The following PAK1 variants were observed in gnomAD, a reference collection of about 807,000 sequenced individuals.
PAK1 encodes the protein serine/threonine-protein kinase PAK 1.
Under a neutral mutation model 67.4 loss-of-function variants are expected in PAK1, and 29 were observed. The ratio of observed to expected loss-of-function variants is 0.43; its 90% CI spans 0.32 to 0.59. The LOEUF is 0.59. Among genes scored for constraint, PAK1 ranks in the 20% least tolerant of loss-of-function variants. PAK1 has a pLI of 0.07. For synonymous variants in PAK1, 223 were observed against 237.4 expected, an observed-to-expected ratio of 0.94 and a Z score of 0.56; for missense variants, 337 against 670.7, an observed-to-expected ratio of 0.50 and a Z score of 5.50.
At chr11:77,478,843 G>A (rs1205034023), upstream of PAK1, among the ~76,000 whole-genome samples, 1 of 151,014 alleles carries the variant, frequency 6.6e-6, no homozygotes, top group Non-Finnish European at 1.5e-5. Context: ...TTGGGAGGCC[G>A]AGGTGGGCGG....
At chr11:77,384,290 G>C (rs900501642) in intron 2 of PAK1, among the ~76,000 whole-genome samples, 1 of 152,118 alleles carries the variant, frequency 6.6e-6, no homozygotes, top group Non-Finnish European at 1.5e-5. Context: ...TCGGACTGAG[G>C]GAAGACACAA....
At chr11:77,396,586 T>A (rs190771804) in intron 1 of PAK1, among the ~76,000 whole-genome samples, 1 of 152,332 alleles carries the variant, frequency 6.6e-6, no homozygotes, top group East Asian at 1.9e-4. Context: ...AAAACTTCCA[T>A]CTGTTAGTAC....
At chr11:77,370,849 T>C (rs1045411901) in intron 5 of PAK1, among the ~76,000 whole-genome samples, 1 of 152,224 alleles carries the variant, frequency 6.6e-6, no homozygotes, top group Non-Finnish European at 1.5e-5. Context: ...CATATCCAAC[T>C]ACATCAATCT....
chr11:77,472,401 T>C (rs1957904121), intron 1 of PAK1, among the ~76,000 whole-genome samples: 2 of 152,150 alleles, frequency 1.3e-5, no homozygotes, highest in East Asian at 3.9e-4. Context: ...ACCGGGCCAA[T>C]GGGAAGAAAT....
At chr11:77,324,464 T>C (rs1374860787) in intron 14 of PAK1, among the ~76,000 whole-genome samples, 1 of 152,130 alleles carries the variant, frequency 6.6e-6, no homozygotes, top group Admixed American at 6.5e-5. Context: ...TGAGCCACCG[T>C]GCCTGGTCTA....
chr11:77,461,294 A>G (rs1957331684), intron 1 of PAK1, among the ~76,000 whole-genome samples: 1 of 152,228 alleles, frequency 6.6e-6, no homozygotes, highest in African/African-American at 2.4e-5. Flanking sequence ...TATAGTCCCC[A>G]GTTATTCAAT....
intron 1 of PAK1, among the ~76,000 whole-genome samples, chr11:77,427,373 T>A (rs934628093): frequency 1.3e-5 from 2 of 152,118 alleles, no homozygotes; most frequent in African/African-American, 4.8e-5. Flanking sequence ...AGGATGACAG[T>A]GTAGATTTTT....
chr11:77,498,631 T>G, the PAK1 span, among the ~76,000 whole-genome samples: 1 of 151,640 alleles, frequency 6.6e-6, no homozygotes, highest in South Asian at 2.1e-4. Flanking sequence ...GAATACATGG[T>G]ACATATTTGT....
the PAK1 span, among the ~76,000 whole-genome samples, chr11:77,498,944 C>T: frequency 1.3e-5 from 2 of 151,800 alleles, no homozygotes; most frequent in African/African-American, 4.8e-5. Context: ...TGTGATCCAC[C>T]CGCCTTGGCC....
At chr11:77,416,875 A>C (rs1168329589) in intron 1 of PAK1, among the ~76,000 whole-genome samples, 1 of 151,980 alleles carries the variant, frequency 6.6e-6, no homozygotes, top group East Asian at 1.9e-4. Context: ...ATGGTGTGAA[A>C]CCAGGAGGCG....
At chr11:77,348,598 C>T (rs1944777284) in intron 9 of PAK1, among the ~76,000 whole-genome samples, 1 of 152,206 alleles carries the variant, frequency 6.6e-6, no homozygotes, top group Admixed American at 6.5e-5. Flanking sequence ...ATGTAAGCAA[C>T]TATCCACTTG....
chr11:77,437,360 T>C (rs1956171414), intron 1 of PAK1, among the ~76,000 whole-genome samples: 1 of 152,204 alleles, frequency 6.6e-6, no homozygotes, highest in Admixed American at 6.5e-5. Context: ...TGTGAAACAG[T>C]GATAGTAAGA....
chr11:77,527,622 A>T, the PAK1 span, among the ~76,000 whole-genome samples: 1 of 152,164 alleles, frequency 6.6e-6, no homozygotes, highest in Admixed American at 6.5e-5. Flanking sequence ...CAAAGCCAAG[A>T]TCTTTCCATT....
intron 14 of PAK1, among the ~76,000 whole-genome samples, chr11:77,329,620 G>C (rs1940956628): frequency 6.6e-6 from 1 of 152,020 alleles, no homozygotes; most frequent in South Asian, 2.1e-4. Flanking sequence ...ATTAGGTATT[G>C]ATGGGACATA....
At chr11:77,495,256 T>C in the PAK1 span, among the ~76,000 whole-genome samples, 4 of 150,644 alleles carry the variant, frequency 2.7e-5, no homozygotes, top group South Asian at 8.4e-4. Context: ...GGCAAATCAT[T>C]TGAAGTCAGG....
At chr11:77,447,996 C>G (rs186996388) in intron 1 of PAK1, among the ~76,000 whole-genome samples, 1 of 152,208 alleles carries the variant, frequency 6.6e-6, no homozygotes, top group Non-Finnish European at 1.5e-5. Flanking sequence ...GCATTAAACA[C>G]ATCTACATAC....
the PAK1 span, among the ~76,000 whole-genome samples, chr11:77,514,607 C>A: frequency 7.3e-4 from 111 of 152,144 alleles, no homozygotes; most frequent in Non-Finnish European, 1.2e-3. Flanking sequence ...CTAAAAACAT[C>A]TAGAAAAGTT....
At chr11:77,488,849 A>G in the PAK1 span, among the ~76,000 whole-genome samples, 1 of 152,216 alleles carries the variant, frequency 6.6e-6, no homozygotes, top group African/African-American at 2.4e-5. Context: ...CATAAAAAGG[A>G]GGTCGAGAGA....
At chr11:77,353,195 T>C (rs1945511554) in intron 8 of PAK1, 2 of 217,924 alleles carry the variant, frequency 9.2e-6, no homozygotes, top group East Asian at 2.1e-4. Flanking sequence ...TTCCATTTTA[T>C]ATTAGTGCTG....
Sources: gnomAD v4.1 joint callset for allele counts (sites outside exome capture counted in the v4.1 genomes callset) on GRCh38, gnomAD v4.1.1 for gene constraint, MANE v1.5 for transcripts, NCBI Gene and HGNC (gene_info 2026-07-23, HGNC 2026-07-21) for gene names.